Variants in L3MBTL4 observed in about 807,000 individuals in gnomAD.
L3MBTL4 encodes L3MBTL histone methyl-lysine binding protein 4.
Under a neutral mutation model 84.5 loss-of-function variants are expected in L3MBTL4, and 70 were observed. The ratio of observed to expected loss-of-function variants is 0.83; its 90% confidence interval spans 0.68 to 1.01. The LOEUF (loss-of-function observed/expected upper bound fraction) is 1.01. L3MBTL4 is among the 50% of genes least tolerant of loss of function. The pLI, the probability that L3MBTL4 is intolerant of heterozygous loss-of-function variation, is 0.00. For missense variants in L3MBTL4, 715 were observed against 754.8 expected (o/e 0.95, Z 0.62); for synonymous variants, 274 against 259.8 (o/e 1.05, Z -0.52).
chr18:6,032,276 C>T, intron 16 of L3MBTL4: 2 of 941,632 alleles, frequency 2.1e-6, no homozygotes, highest in Non-Finnish European at 1.2e-6. Flanking sequence ...CGCACTCGGC[C>T]TTAAATTAAA....
At chr18:6,041,462 C>CTTTT (rs34117389) in intron 16 of L3MBTL4, among the ~76,000 whole-genome samples, 36 of 124,112 alleles carry the variant, frequency 2.9e-4, no homozygotes, top group African/African-American at 7.7e-4. Flanking sequence ...CTGAAATTGA[C>CTTTT]TTTTTTTTTT....
intron 4 of L3MBTL4, among the ~76,000 whole-genome samples, chr18:6,281,071 A>G (rs1180763386): frequency 6.6e-6 from 1 of 152,234 alleles, no homozygotes; most frequent in Non-Finnish European, 1.5e-5. Context: ...AGGAATAATC[A>G]CTGCTGATAT....
intron 13 of L3MBTL4, among the ~76,000 whole-genome samples, chr18:6,157,059 A>T (rs2043133927): frequency 6.6e-6 from 1 of 152,252 alleles, no homozygotes; most frequent in Non-Finnish European, 1.5e-5. Context: ...TATGACTGTA[A>T]GTACATTTTG....
At chr18:6,000,389 G>A (rs1200556278) in intron 16 of L3MBTL4, among the ~76,000 whole-genome samples, 1 of 145,034 alleles carries the variant, frequency 6.9e-6, no homozygotes, top group Non-Finnish European at 1.5e-5. Context: ...AGAAGTAGAG[G>A]AGAAAAATAA....
At chr18:6,064,326 G>A (rs1447798333) in intron 16 of L3MBTL4, among the ~76,000 whole-genome samples, 1 of 152,004 alleles carries the variant, frequency 6.6e-6, no homozygotes, top group African/African-American at 2.4e-5. Flanking sequence ...GCTTAGTATT[G>A]CTTTGGCTAT....
At position 6,305,591 on chromosome 18, in the gene L3MBTL4, T is replaced by C. The variant is rs529218635; in HGVS notation, c.73-3634A>G. On this transcript the variant is annotated intron_variant, in intron 3 of 18. Transcript: ENST00000317931. Reference sequence around the variant, plus strand: ...CTGCGATTTCTCAGGTTTCAAACTTTAATTCTGAAAACTGAAAATAAAGTT... The same window carrying C: ...CTGCGATTTCTCAGGTTTCAAACTTCAATTCTGAAAACTGAAAATAAAGTT... Among the ~76,000 whole-genome samples the C allele has an allele frequency of 2.6e-5, 4 of 152,358 alleles. No homozygotes were observed. In the East Asian group the frequency reaches 7.7e-4, roughly 29 times the overall value.
rs148190401 is a variant in L3MBTL4 at position 6,187,051 on chromosome 18, A to G, written c.982-15109T>C. Among the ~76,000 whole-genome samples, 3 of 152,336 alleles carry G rather than the reference A, an allele frequency of 2.0e-5. No homozygotes were observed. In the East Asian group the frequency reaches 5.8e-4, roughly 29 times the overall value. The stretch of plus-strand genomic sequence containing the variant: ...GACGATGCCCAAGGTCTAGGCTTCA[A>G]CAATTCTATGCTTTCTGTATCCAAT... On this transcript the variant is annotated intron_variant, in intron 12 of 18. Coordinates refer to ENST00000317931, the MANE Select transcript of L3MBTL4 (RefSeq NM_001330559.2).
At chr18:6,382,091 T>A (rs1271282640) in intron 1 of L3MBTL4, among the ~76,000 whole-genome samples, 1 of 152,230 alleles carries the variant, frequency 6.6e-6, no homozygotes, top group Admixed American at 6.5e-5. Context: ...TGATCTTCAA[T>A]CTCTGATATC....
intron 16 of L3MBTL4, among the ~76,000 whole-genome samples, chr18:6,040,774 T>TA (rs1426415143): frequency 1.3e-5 from 2 of 152,152 alleles, no homozygotes; most frequent in Non-Finnish European, 2.9e-5. Context: ...GGCAAGCCCC[T>TA]AAACCATCCT....
At chr18:6,393,245 T>C (rs1056775306) in intron 1 of L3MBTL4, among the ~76,000 whole-genome samples, 1 of 152,184 alleles carries the variant, frequency 6.6e-6, no homozygotes. Context: ...TATCTCACGT[T>C]AGCTTTCTGT....
chr18:6,204,861 C>T (rs1377561428), intron 12 of L3MBTL4, among the ~76,000 whole-genome samples: 4 of 152,198 alleles, frequency 2.6e-5, no homozygotes, highest in African/African-American at 9.6e-5. Context: ...ATCCATAGGG[C>T]CCACAGCTCC....
At chr18:6,110,612 GGT>G (rs1265321225) in intron 14 of L3MBTL4, among the ~76,000 whole-genome samples, 6 of 134,542 alleles carry the variant, frequency 4.5e-5, no homozygotes, top group African/African-American at 1.1e-4. Flanking sequence ...GGCATGGGGG[GGT>G]GGGTGTGTAC....
chr18:6,302,798 C>T (rs2050400364), intron 3 of L3MBTL4, among the ~76,000 whole-genome samples: 1 of 152,062 alleles, frequency 6.6e-6, no homozygotes, highest in Admixed American at 6.6e-5. Flanking sequence ...ACCTGGCCAA[C>T]ATGGTGAAAA....
chr18:6,193,108 T>C (rs1187809573), intron 12 of L3MBTL4, among the ~76,000 whole-genome samples: 1 of 151,810 alleles, frequency 6.6e-6, no homozygotes, highest in Non-Finnish European at 1.5e-5. Flanking sequence ...GGTTACATTA[T>C]TGTTAATGGC....
At chr18:6,036,038 G>T (rs1001272994) in intron 16 of L3MBTL4, among the ~76,000 whole-genome samples, 6 of 152,126 alleles carry the variant, frequency 3.9e-5, no homozygotes, top group African/African-American at 1.4e-4. Flanking sequence ...CATTATCTCT[G>T]GCCACCAAGG....
In L3MBTL4 at chr18:6,095,350, T is replaced by TTTTTTTG. The variant is rs1555652117; in HGVS notation, c.1200-1823_1200-1822insCAAAAAA. Among the ~76,000 whole-genome samples, 266 of 146,498 alleles carry TTTTTTTG rather than the reference T, an allele frequency of 1.8e-3. 3 individuals carry two copies. Among genetic ancestry groups the TTTTTTTG allele is most frequent in the African/African-American group, 6.6e-3 (250 of 38,138 alleles). On this transcript the variant is annotated intron_variant, in intron 14 of 18. Coordinates refer to ENST00000317931, the MANE Select transcript of L3MBTL4 (RefSeq NM_001330559.2). Reference sequence around the variant, plus strand: ...AGGCTGAAGAAGGGGAACATGGTTTTTTTTTTTTTTTTTTTGAGATGGAGT... The same window carrying TTTTTTTG: ...AGGCTGAAGAAGGGGAACATGGTTTTTTTTTTGTTTTTTTTTTTTTTTGAGATGGAGT...
intron 5 of L3MBTL4, among the ~76,000 whole-genome samples, chr18:6,250,531 T>C (rs997047839): frequency 3.9e-5 from 6 of 152,002 alleles, no homozygotes; most frequent in Non-Finnish European, 8.8e-5. Flanking sequence ...TCAAGTGATA[T>C]AGCTGCAAGA....
At chr18:6,047,180 C>T (rs1310945183) in intron 16 of L3MBTL4, among the ~76,000 whole-genome samples, 1 of 152,050 alleles carries the variant, frequency 6.6e-6, no homozygotes, top group Non-Finnish European at 1.5e-5. Flanking sequence ...AACACATAAC[C>T]TCCCCAGATT....
chr18:6,134,641 A>G (rs1190982915), intron 14 of L3MBTL4, among the ~76,000 whole-genome samples: 1 of 152,166 alleles, frequency 6.6e-6, no homozygotes. Context: ...CAAATTTTAA[A>G]GCTCTCAAAT....
Sources: gnomAD v4.1 joint callset for allele counts (sites outside exome capture counted in the v4.1 genomes callset) on GRCh38, gnomAD v4.1.1 for gene constraint, MANE v1.5 for transcripts, NCBI Gene and HGNC (gene_info 2026-07-23, HGNC 2026-07-21) for gene names.